Variants in NIT1 observed in about 807,000 individuals in gnomAD.
NIT1 encodes the protein nitrilase 1, also known as deaminated glutathione amidase.
A neutral mutation model predicts 36.8 loss-of-function variants in NIT1; 30 were observed. The ratio of observed to expected loss-of-function variants is 0.82; its 90% confidence interval spans 0.61 to 1.11. The LOEUF (loss-of-function observed/expected upper bound fraction) is 1.11. Ranked by LOEUF, NIT1 falls within the 50% of genes least tolerant of loss-of-function variation. NIT1 has a pLI of 0.00. For missense variants in NIT1, 438 were observed against 410.6 expected (o/e 1.07, Z -0.58); for synonymous variants, 151 against 155.6 (o/e 0.97, Z 0.22).
chr1:161,123,029 T>C (rs1655696101), downstream of NIT1: 3 of 1,614,086 alleles, frequency 1.9e-6, no homozygotes, highest in Non-Finnish European at 2.5e-6. Flanking sequence ...TTCTTTATAT[T>C]CTCCTTCAAG....
chr1:161,118,214 A>T, intron 1 of NIT1, 36 bp downstream of exon 1: 1 of 1,613,994 alleles, frequency 6.2e-7, no homozygotes, highest in Non-Finnish European at 8.5e-7. Context: ...GCCGCGGTGA[A>T]TCCCACCTGC....
chr1:161,119,049 T>C (rs1571198915), intron 2 of NIT1, 85 bp from the exon 3 acceptor site: 9 of 1,539,108 alleles, frequency 5.8e-6, no homozygotes, highest in Non-Finnish European at 8.0e-6. Flanking sequence ...AGTCCAGCTT[T>C]CCTGCCTCTC....
downstream of NIT1, chr1:161,121,685 GATTA>G (rs1177517686): frequency 6.4e-6 from 1 of 155,314 alleles, no homozygotes; most frequent in Non-Finnish European, 1.4e-5. Context: ...AGAGGGTGGC[GATTA>G]ATTTTCAAAA....
At chr1:161,123,891 G>A, downstream of NIT1, 1 of 1,613,976 alleles carries the variant, frequency 6.2e-7, no homozygotes, top group Admixed American at 1.7e-5. Flanking sequence ...GGGCTCTGGG[G>A]GTCACATAGC....
In NIT1 at chr1:161,120,011, G is replaced by A. The variant is rs1292282076; in HGVS notation, c.591+59G>A. 5.6e-6 allele frequency: 9 copies of A among 1,605,612 alleles called. No homozygotes were observed. The East Asian group carries it at 1.8e-4, about 32-fold the overall frequency. ...GGAATACTTTGAACTGGCAGTAGAGGATAGAAAGCCCTAAGAGAGGGGGTA... is the reference window on the plus strand; with the variant it reads ...GGAATACTTTGAACTGGCAGTAGAGAATAGAAAGCCCTAAGAGAGGGGGTA... On this transcript the variant is annotated intron_variant, in intron 5 of 6. Transcript: ENST00000368009.
chr1:161,119,431 C>G (rs762138337), intron 3 of NIT1, 43 bp downstream of exon 3: 1 of 1,613,212 alleles, frequency 6.2e-7, no homozygotes, highest in Non-Finnish European at 8.5e-7. Flanking sequence ...CTTTGTTGGA[C>G]AGTGTCCCTG....
intron 1 of NIT1, chr1:161,118,493 C>G: frequency 6.5e-7 from 1 of 1,536,132 alleles, no homozygotes; most frequent in South Asian, 1.2e-5. Context: ...AGGATAGTTC[C>G]CGGAGATGAC....
downstream of NIT1, chr1:161,122,189 T>C: frequency 6.2e-7 from 1 of 1,614,050 alleles, no homozygotes; most frequent in Non-Finnish European, 8.5e-7. The surrounding 1 kb of genome is among the most constrained non-coding windows in gnomAD (Gnocchi z 4.2). Context: ...GGAGTTTCTG[T>C]CGGCCCAGCT....
intron 1 of NIT1, 47 bp downstream of exon 1, chr1:161,118,225 G>A (rs1474556576): frequency 1.2e-6 from 2 of 1,613,838 alleles, no homozygotes; most frequent in South Asian, 1.1e-5. Flanking sequence ...TCCCACCTGC[G>A]GTGCTTTAAC....
chr1:161,118,205 C>G (rs1294261462), intron 1 of NIT1, 27 bp downstream of exon 1: 2 of 1,614,068 alleles, frequency 1.2e-6, no homozygotes, highest in South Asian at 1.1e-5. Context: ...ATCCCGTCGG[C>G]CGCGGTGAAT....
intron 1 of NIT1, chr1:161,118,552 G>A: frequency 6.5e-7 from 1 of 1,536,184 alleles, no homozygotes; most frequent in Non-Finnish European, 8.7e-7. Flanking sequence ...TCAGTTTAAT[G>A]TGAGATCATT....
chr1:161,123,924 C>T (rs764229115), downstream of NIT1: 14 of 1,613,996 alleles, frequency 8.7e-6, no homozygotes, highest in Non-Finnish European at 1.2e-5. Flanking sequence ...CCTCCAGATA[C>T]TTGTCTACAA....
At chr1:161,123,016 C>G, downstream of NIT1, 1 of 1,614,230 alleles carries the variant, frequency 6.2e-7, no homozygotes, top group Admixed American at 1.7e-5. Flanking sequence ...AGTGTCCCAG[C>G]AGTTCTTTAT....
Position 161,120,411 on chromosome 1 carries a change from A to G in NIT1, c.718-88A>G, listed in dbSNP as rs1655327021. ...CTAGGCAATTACCAAAATAGTCACA[A>G]TGGGTAGATTGGTCTGTAATGTCCC... On this transcript the variant is annotated intron_variant, in intron 6 of 6. Transcript: ENST00000368009. 4.0e-6 allele frequency: 6 copies of G among 1,486,730 alleles called. No homozygotes were observed. The South Asian group carries it at 6.2e-5, about 15-fold the overall frequency. The allele number at this position is 1,486,730 out of a possible 1,614,324, so 92.1% of individuals were successfully genotyped here.
In NIT1 at chr1:161,121,009, T is replaced by C. The variant is rs1489462645; in HGVS notation, c.*244T>C. ...TAGTCATTGTTTATTTCATGGAAAC[T>C]GAAGTTCTGCTGAGGGCTGAGCAGC... On this transcript the variant is annotated 3_prime_UTR_variant, in exon 7 of 7. Coordinates refer to ENST00000368009, the MANE Select transcript of NIT1 (RefSeq NM_005600.3). 1 of 1,382,210 alleles carries C rather than the reference T, an allele frequency of 7.2e-7. No homozygotes were observed. Among genetic ancestry groups the C allele is most frequent in the Non-Finnish European group, 9.4e-7 (1 of 1,068,314 alleles). 85.6% of individuals were successfully genotyped at this position (1,382,210 alleles called of 1,614,324 possible).
In NIT1 at chr1:161,120,578, G is replaced by A. The variant is rs190215650; in HGVS notation, c.797G>A (p.Arg266Lys). 47 of 1,614,240 alleles carry A rather than the reference G, an allele frequency of 2.9e-5. No individual in the cohort carries two copies. In the African/African-American group the frequency reaches 5.7e-4, roughly 20 times the overall value. Residue 266 changes from arginine to lysine, a missense_variant, in exon 7 of 7, where the codon AGA (arginine) becomes AAA (lysine). Transcript: ENST00000368009. The stretch of plus-strand genomic sequence containing the variant: ...CAGTGTGGACGCCACCATGAGAAGA[G>A]AGCAAGTTATGGCCACAGCATGGTG... ...AAQCGRHHEK[R>K]ASYGHSMVVD...
At chr1:161,122,369 G>A, downstream of NIT1, 1 of 1,614,218 alleles carries the variant, frequency 6.2e-7, no homozygotes, top group Non-Finnish European at 8.5e-7. This position sits in a 1 kb window ranked among gnomAD's most constrained non-coding sequence, Gnocchi z 4.2. Flanking sequence ...TGATGTCACA[G>A]ATGATGGAGC....
intron 6 of NIT1, 42 bp from the exon 7 acceptor site, chr1:161,120,457 A>G (rs553900974): frequency 1.5e-5 from 24 of 1,594,980 alleles, no homozygotes; most frequent in Non-Finnish European, 2.1e-5. Context: ...CTTCCCCACT[A>G]TTTGCTACAT....
downstream of NIT1, chr1:161,122,023 T>TAA: frequency 1.6e-5 from 19 of 1,162,632 alleles, no homozygotes; most frequent in South Asian, 3.2e-5. The surrounding 1 kb of genome is among the most constrained non-coding windows in gnomAD (Gnocchi z 4.2). Flanking sequence ...GTCTTTTTCT[T>TAA]TAAAAAAAAA....
Sources: allele counts gnomAD v4.1 joint callset, GRCh38; gene constraint gnomAD v4.1.1; non-coding constraint Gnocchi (gnomAD v3.1); transcripts MANE v1.5; gene names NCBI Gene and HGNC (gene_info 2026-07-23, HGNC 2026-07-21).